The following SVEP1 variants were observed in gnomAD, a reference collection of about 807,000 sequenced individuals.
The protein encoded by SVEP1 is sushi, von Willebrand factor type A, EGF and pentraxin domain-containing protein 1.
SVEP1 carries 164 observed loss-of-function variants against 367.3 expected under a neutral mutation model. That is an observed-to-expected ratio of 0.45 (90% confidence interval 0.39 to 0.51). The LOEUF (loss-of-function observed/expected upper bound fraction) is 0.51. Ranked by LOEUF, SVEP1 falls within the 20% of genes least tolerant of loss-of-function variation. SVEP1 has a pLI of 0.00. For missense variants in SVEP1, 4,117 were observed against 4,425.3 expected (o/e 0.93, Z 1.98); for synonymous variants, 1,666 against 1,611.6 (o/e 1.03, Z -0.81).
At chr9:110,486,162 T>C (rs192919498) in intron 9 of SVEP1, among the ~76,000 whole-genome samples, 2 of 152,348 alleles carry the variant, frequency 1.3e-5, no homozygotes, top group African/African-American at 4.8e-5. Flanking sequence ...CAGTGTACTT[T>C]GAGAATGCTG....
At chr9:110,430,172 C>T in intron 33 of SVEP1, 102 bp downstream of exon 33, 2 of 1,294,218 alleles carry the variant, frequency 1.5e-6, no homozygotes, top group Non-Finnish European at 2.1e-6. Flanking sequence ...TACCTCAGTT[C>T]AAATACAAAG....
rs1564131407 is a variant in SVEP1, at chr9:110,400,940, T to C, written c.9736A>G (p.Ser3246Gly). ...CSPVSCGKPE[S>G]PEHGFVVGSK... Reference sequence around the variant, plus strand: ...CCAACCACAAATCCATGTTCTGGACTTTCAGGTTTCCCACAAGAAACTGGA... The same window carrying C: ...CCAACCACAAATCCATGTTCTGGACCTTCAGGTTTCCCACAAGAAACTGGA... Residue 3246 changes from serine to glycine, a missense_variant, in exon 40 of 48, where the codon AGT (serine) becomes GGT (glycine). Physicochemically the swap from Ser to Gly is moderately conservative, Grantham distance 56. This residue lies in a region of SVEP1 where 1,765 missense variants were observed against 1,781.1 expected (regional missense o/e 0.99). Coordinates refer to ENST00000374469, the MANE Select transcript of SVEP1 (RefSeq NM_153366.4). 1.9e-6 allele frequency: 3 copies of C among 1,613,950 alleles called. No homozygotes were observed. In the East Asian group the frequency reaches 6.7e-5, roughly 36 times the overall value.
In SVEP1 at chr9:110,400,979, C is replaced by T. The variant is rs749478426; in HGVS notation, c.9697G>A (p.Asp3233Asn). 34 of 1,613,622 alleles carry T rather than the reference C, an allele frequency of 2.1e-5. No individual in the cohort carries two copies. The highest frequency in any genetic ancestry group is 1.6e-4 in the Middle Eastern group (1 of 6,082). The change falls in exon 40 of 48, where the codon GAT becomes AAT. Residue 3233 changes from aspartate (D) to asparagine (N), a missense_variant. Asp to Asn is a conservative substitution (Grantham distance 23, BLOSUM62 1). Transcript: ENST00000374469. ...LDGTWEPPFS[D>N]ESCSPVSCGK... ...CAAGAAACTGGACTGCAAGATTCAT[C>T]GGAGAATGGTGGCTCCCAGGTTCCA...
chr9:110,570,336 A>T (rs1420694553), intron 1 of SVEP1, among the ~76,000 whole-genome samples: 1 of 152,190 alleles, frequency 6.6e-6, no homozygotes, highest in African/African-American at 2.4e-5. Context: ...AATTAACACT[A>T]AAGTATTAAT....
At chr9:110,433,319 A>G (rs1828380389) in intron 30 of SVEP1, among the ~76,000 whole-genome samples, 1 of 150,110 alleles carries the variant, frequency 6.7e-6, no homozygotes, top group African/African-American at 2.5e-5. Context: ...CAAACAAACA[A>G]AATCCCTGCC....
At chr9:110,449,951 T>C (rs1828666132) in intron 24 of SVEP1, 108 bp downstream of exon 24, 1 of 1,297,070 alleles carries the variant, frequency 7.7e-7, no homozygotes, top group African/African-American at 1.5e-5. Flanking sequence ...GGGCCAGCAT[T>C]TGAGAATGAC....
chr9:110,550,116 T>C lies in SVEP1; in HGVS notation c.532-12A>G. 6.2e-7 allele frequency: 1 copy of C among 1,613,470 alleles called. No individual in the cohort carries two copies. Among genetic ancestry groups the C allele is most frequent in the Non-Finnish European group, 8.5e-7 (1 of 1,179,466 alleles). On this transcript the variant is annotated splice_polypyrimidine_tract_variant and intron_variant, in intron 1 of 47. Transcript: ENST00000374469. ...TGAAGAAGAATTTGCTGTAATGAAATGGGGAAAGTTAATATGAGTGTGTAC... is the reference window on the plus strand; with the variant it reads ...TGAAGAAGAATTTGCTGTAATGAAACGGGGAAAGTTAATATGAGTGTGTAC...
chr9:110,560,752 A>G (rs1830417514), intron 1 of SVEP1, among the ~76,000 whole-genome samples: 1 of 152,090 alleles, frequency 6.6e-6, no homozygotes, highest in Non-Finnish European at 1.5e-5. Context: ...CTTCTTTCTG[A>G]CCTATCACAT....
At chr9:110,397,664 A>AT (rs1469530706) in intron 40 of SVEP1, among the ~76,000 whole-genome samples, 1 of 152,210 alleles carries the variant, frequency 6.6e-6, no homozygotes, top group Admixed American at 6.5e-5. Flanking sequence ...TACAAAATCA[A>AT]TGTGCAAAAA....
At chr9:110,507,834 T>C (rs1418712068) in intron 5 of SVEP1, among the ~76,000 whole-genome samples, 1 of 152,174 alleles carries the variant, frequency 6.6e-6, no homozygotes, top group East Asian at 1.9e-4. Context: ...TTAAACAATG[T>C]TTTGGCTTCA....
Position 110,579,036 on chromosome 9 carries a change from T to G in SVEP1, c.508A>C (p.Lys170Gln). The G allele has an allele frequency of 1.3e-6, 2 of 1,548,342 alleles. No homozygotes were observed. Among genetic ancestry groups the G allele is most frequent in the Non-Finnish European group, 1.7e-6 (2 of 1,146,640 alleles). Residue 170 changes from lysine to glutamine, a missense_variant, in exon 1 of 48, where the codon AAG (lysine) becomes CAG (glutamine). By Grantham distance (53) the Lys-to-Gln change is moderately conservative. Around this residue, in one of 4 missense-constraint regions of SVEP1, gnomAD observed 2,174 missense variants for 2,494.3 expected, o/e 0.87. Coordinates refer to ENST00000374469, the MANE Select transcript of SVEP1 (RefSeq NM_153366.4). This position sits in a 1 kb window ranked among gnomAD's most constrained non-coding sequence, Gnocchi z 5.3. ...ISYRGGGTYT[K>Q]GAFQQAAQIL... ...ACCGCGGCTTGCTGGAAGGCGCCCT[T>G]GGTGTAGGTGCCGCCACCTCGGTAG... is the stretch of plus-strand genomic sequence containing the variant.
At chr9:110,437,757 A>G (rs1316290890) in intron 27 of SVEP1, among the ~76,000 whole-genome samples, 2 of 151,962 alleles carry the variant, frequency 1.3e-5, no homozygotes, top group Non-Finnish European at 2.9e-5. Context: ...TGTAAACTGT[A>G]CCCAATGTGT....
chr9:110,406,369 C>T lies in SVEP1; in HGVS notation c.9231G>A (p.Glu3077=). The T allele has an allele frequency of 3.1e-6, 5 of 1,614,082 alleles. No individual in the cohort carries two copies. The highest frequency in any genetic ancestry group is 4.2e-6 in the Non-Finnish European group (5 of 1,179,906). ...LPMIPNAFIS[E]TSSWKENVIT... is the part of the protein sequence containing the mutation. ...TCACATTTTCCTTCCAAGAGCTGGT[C>T]TCACTGATGAACGCATTTGGTATCA... Residue 3077 remains glutamate, a synonymous_variant, in exon 38 of 48, where the codon GAG becomes GAA. Transcript: ENST00000374469.
At chr9:110,465,642 T>G (rs911884372) in intron 18 of SVEP1, among the ~76,000 whole-genome samples, 1 of 152,218 alleles carries the variant, frequency 6.6e-6, no homozygotes, top group African/African-American at 2.4e-5. Context: ...GTACTTCTTT[T>G]GTGTTCCTAA....
intron 2 of SVEP1, among the ~76,000 whole-genome samples, chr9:110,548,974 T>TC (rs950516211): frequency 2.0e-5 from 3 of 152,010 alleles, no homozygotes; most frequent in Non-Finnish European, 2.9e-5. Context: ...TTATTTTTTT[T>TC]AAAAAGAAAC....
chr9:110,380,120 T>C (rs1827412450), intron 43 of SVEP1, among the ~76,000 whole-genome samples: 1 of 152,198 alleles, frequency 6.6e-6, no homozygotes. Flanking sequence ...GACTTTCTGC[T>C]TTTGGGATCT....
At chr9:110,391,774 A>T (rs898062757) in intron 40 of SVEP1, among the ~76,000 whole-genome samples, 1 of 152,092 alleles carries the variant, frequency 6.6e-6, no homozygotes, top group Admixed American at 6.6e-5. Context: ...CCCAGCTTAA[A>T]CACTGCTTCT....
intron 3 of SVEP1, among the ~76,000 whole-genome samples, chr9:110,533,410 C>G (rs945646851): frequency 1.3e-5 from 2 of 152,196 alleles, no homozygotes; most frequent in Non-Finnish European, 2.9e-5. Context: ...CAGAAAAACA[C>G]AGTAGGTGAC....
At position 110,374,947 on chromosome 9, in the gene SVEP1, A is replaced by G. The variant is rs1827326241; in HGVS notation, c.10600+421T>C. On this transcript the variant is annotated intron_variant, in intron 46 of 47. Coordinates refer to ENST00000374469, the MANE Select transcript of SVEP1 (RefSeq NM_153366.4). ...CAACCTAAATGCTCATCAATGGTAG[A>G]CTGGATAAAGTGTTTTTTTTTTCAT... Among the ~76,000 whole-genome samples, 3 of 130,238 alleles carry G rather than the reference A, an allele frequency of 2.3e-5. No individual in the cohort carries two copies. In the Admixed American group the frequency reaches 2.4e-4, roughly 10 times the overall value. The allele number at this position is 130,238 out of a possible 152,430, so 85.4% of individuals were successfully genotyped here.
Sources: gnomAD v4.1 joint callset for allele counts (sites outside exome capture counted in the v4.1 genomes callset) on GRCh38, gnomAD v4.1.1 for gene constraint, gnomAD v4.1.1 regional missense constraint, Gnocchi (gnomAD v3.1) non-coding constraint, MANE v1.5 for transcripts, NCBI Gene and HGNC (gene_info 2026-07-23, HGNC 2026-07-21) for gene names.